TTC39B: variants seen among roughly 807,000 people sequenced by gnomAD.
TTC39B encodes tetratricopeptide repeat protein 39B.
TTC39B carries 92 observed loss-of-function variants against 96.6 expected under a neutral mutation model. That is an observed-to-expected ratio of 0.95 (90% CI 0.80 to 1.13). TTC39B has a LOEUF of 1.13. TTC39B is among the 50% of genes most tolerant of loss of function. The pLI is 0.00. For missense variants in TTC39B, 955 were observed against 809.3 expected, an observed-to-expected ratio of 1.18 and a Z score of -2.18; for synonymous variants, 367 against 299.4, an observed-to-expected ratio of 1.23 and a Z score of -2.33.
At chr9:15,209,908 T>C (rs537186654) in intron 6 of TTC39B, among the ~76,000 whole-genome samples, 180 bp downstream of exon 6, 2 of 152,240 alleles carry the variant, frequency 1.3e-5, no homozygotes, top group Non-Finnish European at 2.9e-5. Flanking sequence ...TGTATTTGAG[T>C]ATGTACACAG....
At chr9:15,176,763 G>C (rs561503168) in intron 18 of TTC39B, among the ~76,000 whole-genome samples, 13 of 152,110 alleles carry the variant, frequency 8.5e-5, no homozygotes, top group Admixed American at 2.0e-4. Context: ...AAAACACCCT[G>C]ACCTATAGAG....
At chr9:15,304,354 T>G (rs544289925) in intron 1 of TTC39B, among the ~76,000 whole-genome samples, 85 of 152,320 alleles carry the variant, frequency 5.6e-4, no homozygotes, top group African/African-American at 2.0e-3. Flanking sequence ...GAAACAAGCT[T>G]TTGTTGATTG....
chr9:15,271,314 G>C (rs1235378747), intron 1 of TTC39B, among the ~76,000 whole-genome samples: 1 of 152,138 alleles, frequency 6.6e-6, no homozygotes, highest in Non-Finnish European at 1.5e-5. Flanking sequence ...TTGACTTACA[G>C]GATTTTTAGT....
intron 2 of TTC39B, among the ~76,000 whole-genome samples, chr9:15,226,703 A>G (rs1821140364): frequency 6.6e-6 from 1 of 152,224 alleles, no homozygotes; most frequent in Non-Finnish European, 1.5e-5. Flanking sequence ...CTGAAGTAAC[A>G]TAAAGAAGGT....
chr9:15,186,597 G>C (rs1287588233), intron 15 of TTC39B: 2 of 170,094 alleles, frequency 1.2e-5, no homozygotes, highest in Non-Finnish European at 2.5e-5. Flanking sequence ...ATTAATTGTT[G>C]TTTCCGTAAA....
At chr9:15,185,922 A>G (rs1588859212) in intron 15 of TTC39B, among the ~76,000 whole-genome samples, 1 of 152,218 alleles carries the variant, frequency 6.6e-6, no homozygotes, top group African/African-American at 2.4e-5. Flanking sequence ...ATTTAAGAAA[A>G]TGTTTCCCAA....
At chr9:15,203,481 G>A (rs542996745) in intron 7 of TTC39B, among the ~76,000 whole-genome samples, 5 of 149,908 alleles carry the variant, frequency 3.3e-5, no homozygotes, top group South Asian at 2.1e-4. Context: ...GGCTTGTCTC[G>A]AACTCTGGAC....
chr9:15,234,837 T>C (rs931938313), intron 2 of TTC39B, among the ~76,000 whole-genome samples: 1 of 151,928 alleles, frequency 6.6e-6, no homozygotes. Flanking sequence ...GGCAGCATGC[T>C]CCTTAAGAGT....
chr9:15,227,336 CA>C (rs1370072220), intron 2 of TTC39B, among the ~76,000 whole-genome samples: 1 of 151,664 alleles, frequency 6.6e-6, no homozygotes, highest in East Asian at 1.9e-4. Context: ...GCAGTGTCCT[CA>C]ATTAAGTGGA....
chr9:15,210,072 T>C lies in TTC39B; in HGVS notation c.691+16A>G, dbSNP rs1235302175. 1 of 1,571,448 alleles carries C rather than the reference T, an allele frequency of 6.4e-7. No individual in the cohort carries two copies. The highest frequency in any genetic ancestry group is 1.4e-5 in the African/African-American group (1 of 73,088). The stretch of plus-strand genomic sequence containing the variant: ...TTAAAATCAAGGAAAAAAGTGATCT[T>C]TTAAATGACTTTTACCTTCACTCAG... On this transcript the variant is annotated intron_variant, in intron 6 of 19. Coordinates refer to ENST00000512701, the Ensembl canonical transcript of TTC39B.
chr9:15,176,367 A>G (rs1030059366), intron 18 of TTC39B, among the ~76,000 whole-genome samples: 1 of 152,246 alleles, frequency 6.6e-6, no homozygotes, highest in Non-Finnish European at 1.5e-5. Context: ...AATTCAATAG[A>G]TATTTCTTTA....
intron 14 of TTC39B, among the ~76,000 whole-genome samples, chr9:15,187,678 T>A (rs1173002009): frequency 6.6e-6 from 1 of 152,250 alleles, no homozygotes. Context: ...CTGGCTAGTA[T>A]CAAACTCCTG....
At chr9:15,303,116 C>T (rs1185498115) in intron 1 of TTC39B, among the ~76,000 whole-genome samples, 3 of 151,746 alleles carry the variant, frequency 2.0e-5, no homozygotes, top group Admixed American at 6.6e-5. Context: ...TGCAGTGAGC[C>T]GAGATTGTGC....
At chr9:15,226,048 T>C (rs1327296915) in intron 2 of TTC39B, 36 bp from the exon 3 acceptor site, 2 of 1,598,914 alleles carry the variant, frequency 1.3e-6, no homozygotes, top group South Asian at 2.2e-5. Flanking sequence ...GTTTTTTATT[T>C]CTTTGTCCTG....
intron 17 of TTC39B, among the ~76,000 whole-genome samples, chr9:15,180,524 T>C (rs535517331): frequency 2.6e-5 from 4 of 152,340 alleles, no homozygotes; most frequent in Non-Finnish European, 4.4e-5. Context: ...AGTAGATCAG[T>C]TGTATCCTCT....
intron 1 of TTC39B, among the ~76,000 whole-genome samples, chr9:15,301,314 G>A (rs540914370): frequency 6.1e-4 from 93 of 152,338 alleles, no homozygotes; most frequent in Middle Eastern, 3.4e-3. Context: ...CTAACCCAAA[G>A]ATAGAAATAG....
intron 1 of TTC39B, among the ~76,000 whole-genome samples, chr9:15,293,986 A>G (rs1824281969): frequency 6.6e-6 from 1 of 152,326 alleles, no homozygotes; most frequent in African/African-American, 2.4e-5. Context: ...GCTGCACTGC[A>G]GTCTCCGAGC....
At chr9:15,281,321 G>C (rs926461130) in intron 1 of TTC39B, among the ~76,000 whole-genome samples, 9 of 152,078 alleles carry the variant, frequency 5.9e-5, no homozygotes, top group Non-Finnish European at 4.4e-5. Context: ...ATGTACGTAG[G>C]CTTTAACATG....
intron 1 of TTC39B, among the ~76,000 whole-genome samples, chr9:15,277,712 C>A (rs1014675574): frequency 1.3e-5 from 2 of 152,180 alleles, no homozygotes; most frequent in Non-Finnish European, 2.9e-5. Context: ...CCTAAGTTCT[C>A]TGAATTAAAG....
Sources: gnomAD v4.1 joint callset for allele counts (sites outside exome capture counted in the v4.1 genomes callset) on GRCh38, gnomAD v4.1.1 for gene constraint, MANE v1.5 for transcripts, NCBI Gene and HGNC (gene_info 2026-07-23, HGNC 2026-07-21) for gene names.